Variants in MAGI2 observed in about 807,000 individuals in gnomAD.
MAGI2 encodes membrane-associated guanylate kinase, WW and PDZ domain-containing protein 2.
A neutral mutation model predicts 133.3 loss-of-function variants in MAGI2; 35 were observed. The observed-to-expected ratio is 0.26, with a 90% CI of 0.20 to 0.35. The LOEUF is 0.35. MAGI2 is among the 10% of genes least tolerant of loss of function. MAGI2 has a pLI of 1.00. For missense variants in MAGI2, 1,636 were observed against 1,863.4 expected, an observed-to-expected ratio of 0.88 and a Z score of 2.25; for synonymous variants, 729 against 710.6, an observed-to-expected ratio of 1.03 and a Z score of -0.41.
At chr7:79,272,642 T>G (rs1386955000) in intron 1 of MAGI2, among the ~76,000 whole-genome samples, 1 of 152,100 alleles carries the variant, frequency 6.6e-6, no homozygotes, top group Non-Finnish European at 1.5e-5. Context: ...AATTTAAGGT[T>G]ATGATTTCTG....
At chr7:78,022,821 C>A (rs960756338) in intron 21 of MAGI2, among the ~76,000 whole-genome samples, 1 of 152,072 alleles carries the variant, frequency 6.6e-6, no homozygotes, top group African/African-American at 2.4e-5. Context: ...TTTTTCATAT[C>A]GTAAAAGGTG....
intron 1 of MAGI2, among the ~76,000 whole-genome samples, chr7:79,061,122 A>G (rs1458940769): frequency 1.3e-5 from 2 of 152,070 alleles, no homozygotes; most frequent in Non-Finnish European, 2.9e-5. Flanking sequence ...AAGATTATGC[A>G]AGTACTAACC....
chr7:78,627,084 C>A, intron 3 of MAGI2, 36 bp downstream of exon 3: 2 of 1,534,514 alleles, frequency 1.3e-6, no homozygotes, highest in South Asian at 2.6e-5. Flanking sequence ...AAATGTGATG[C>A]CAACAAGAAA....
At chr7:78,463,169 C>CA (rs1036731328) in intron 6 of MAGI2, among the ~76,000 whole-genome samples, 1 of 152,150 alleles carries the variant, frequency 6.6e-6, no homozygotes, top group Non-Finnish European at 1.5e-5. Context: ...CATCTATATC[C>CA]AAAAAGATGT....
At chr7:79,022,110 T>C (rs1247791326) in intron 1 of MAGI2, among the ~76,000 whole-genome samples, 4 of 152,186 alleles carry the variant, frequency 2.6e-5, no homozygotes, top group African/African-American at 9.6e-5. Flanking sequence ...TTTGAGTCAA[T>C]TAAACCTCTT....
chr7:79,212,670 T>C (rs1317734483), intron 1 of MAGI2, among the ~76,000 whole-genome samples: 4 of 152,118 alleles, frequency 2.6e-5, no homozygotes, highest in Admixed American at 2.6e-4. Context: ...GAGGAGCTTG[T>C]CTAATTTATT....
At chr7:78,818,695 A>G (rs2151422711) in intron 2 of MAGI2, among the ~76,000 whole-genome samples, 1 of 152,250 alleles carries the variant, frequency 6.6e-6, no homozygotes, top group South Asian at 2.1e-4. Flanking sequence ...CTCGTTGGGC[A>G]AGATAAGATG....
chr7:78,534,502 T>A (rs1797721933), intron 3 of MAGI2, among the ~76,000 whole-genome samples: 1 of 152,204 alleles, frequency 6.6e-6, no homozygotes. Context: ...CCCAAATAAA[T>A]CAAGTTGCTT....
chr7:78,795,642 T>TA (rs58520307), intron 2 of MAGI2, among the ~76,000 whole-genome samples: 130,725 of 151,830 alleles, frequency 0.86, 56,671 homozygotes, highest in East Asian at 0.99. Flanking sequence ...CACAGAAATA[T>TA]AAAAAAAATC....
chr7:78,633,707 A>G (rs968055135), intron 2 of MAGI2, among the ~76,000 whole-genome samples: 3 of 135,408 alleles, frequency 2.2e-5, no homozygotes, highest in Non-Finnish European at 3.5e-5. Flanking sequence ...CTCCGTCTCA[A>G]AAAAAAAAAA....
intron 1 of MAGI2, among the ~76,000 whole-genome samples, chr7:79,182,757 A>G (rs1002705844): frequency 3.6e-4 from 54 of 152,006 alleles, no homozygotes; most frequent in Non-Finnish European, 6.3e-4. Flanking sequence ...CACTACTCAC[A>G]ATAGTAAAGA....
chr7:79,419,680 T>TACAAACTTG (rs1244769168), intron 1 of MAGI2, among the ~76,000 whole-genome samples: 21 of 152,174 alleles, frequency 1.4e-4, no homozygotes, highest in African/African-American at 5.1e-4. Context: ...AAACTATGTA[T>TACAAACTTG]TAAAAGCCAA....
At chr7:78,766,568 A>T (rs1365782560) in intron 2 of MAGI2, among the ~76,000 whole-genome samples, 2 of 152,194 alleles carry the variant, frequency 1.3e-5, no homozygotes, top group Non-Finnish European at 2.9e-5. Context: ...CTTACTTGAC[A>T]GTACACAGTA....
intron 2 of MAGI2, among the ~76,000 whole-genome samples, chr7:78,801,861 T>C (rs953165967): frequency 9.2e-5 from 14 of 152,218 alleles, no homozygotes; most frequent in Non-Finnish European, 1.8e-4. Context: ...CTCCTTTATC[T>C]ATTGTTACCA....
intron 2 of MAGI2, among the ~76,000 whole-genome samples, chr7:78,876,321 CAAAAA>C (rs57950337): frequency 1.3e-5 from 1 of 79,672 alleles, no homozygotes; most frequent in Non-Finnish European, 2.4e-5. Flanking sequence ...GACTCCGTCT[CAAAAA>C]AAAAAAAAAA....
intron 2 of MAGI2, among the ~76,000 whole-genome samples, chr7:78,916,010 T>C (rs1798765235): frequency 6.6e-6 from 1 of 152,100 alleles, no homozygotes; most frequent in Non-Finnish European, 1.5e-5. Flanking sequence ...CATACGTTTT[T>C]ATATAAGAGA....
intron 3 of MAGI2, among the ~76,000 whole-genome samples, chr7:78,542,046 T>C (rs1001122036): frequency 1.3e-5 from 2 of 152,214 alleles, no homozygotes; most frequent in African/African-American, 2.4e-5. Context: ...TGCAGGTAGC[T>C]ACAAACAGTC....
chr7:78,047,455 C>G (rs2151099328), intron 21 of MAGI2, among the ~76,000 whole-genome samples: 1 of 152,274 alleles, frequency 6.6e-6, no homozygotes, highest in East Asian at 1.9e-4. Context: ...TGACCTTGTC[C>G]TTTGTCCTAA....
chr7:78,797,787 G>C (rs567786919), intron 2 of MAGI2, among the ~76,000 whole-genome samples: 1 of 152,126 alleles, frequency 6.6e-6, no homozygotes, highest in Non-Finnish European at 1.5e-5. Context: ...TTCACGCTAG[G>C]GGTAAGGGGA....
Sources: gnomAD v4.1 joint callset for allele counts (sites outside exome capture counted in the v4.1 genomes callset) on GRCh38, gnomAD v4.1.1 for gene constraint, MANE v1.5 for transcripts, NCBI Gene and HGNC (gene_info 2026-07-23, HGNC 2026-07-21) for gene names.